Variants in PDE4D observed in about 807,000 individuals in gnomAD.
PDE4D encodes the protein phosphodiesterase 4D.
A neutral mutation model predicts 87.4 loss-of-function variants in PDE4D; 24 were observed. The observed-to-expected ratio is 0.27, with a 90% CI of 0.20 to 0.39. PDE4D has a LOEUF of 0.39. Among genes scored for constraint, PDE4D ranks in the 10% least tolerant of loss-of-function variants. The pLI is 1.00. For missense variants in PDE4D, 714 were observed against 1,041.0 expected, an observed-to-expected ratio of 0.69 and a Z score of 4.32; for synonymous variants, 384 against 383.2, an observed-to-expected ratio of 1.00 and a Z score of -0.02.
At chr5:59,988,714 A>T in exon 3 of PDE4D, 1 of 1,554,258 alleles carries the variant, frequency 6.4e-7, no homozygotes, top group Non-Finnish European at 8.8e-7. Context: ...GTTTCCTCAG[A>T]GGCCTGAGGT....
intron 1 of PDE4D, among the ~76,000 whole-genome samples, chr5:60,326,755 G>A (rs1756831786): frequency 6.6e-6 from 1 of 152,080 alleles, no homozygotes. Flanking sequence ...ACTATTAACA[G>A]ATATTATATT....
intron 1 of PDE4D, among the ~76,000 whole-genome samples, chr5:60,511,129 C>T (rs1205316271): frequency 6.6e-6 from 1 of 152,048 alleles, no homozygotes; most frequent in East Asian, 1.9e-4. Context: ...GCCACCATGC[C>T]GAGATAATTT....
At chr5:59,233,581 A>G (rs1345558226) in intron 1 of PDE4D, among the ~76,000 whole-genome samples, 3 of 152,156 alleles carry the variant, frequency 2.0e-5, no homozygotes, top group Admixed American at 6.6e-5. Context: ...TTCTGAACTC[A>G]TAGGCTAAAT....
intron 6 of PDE4D, among the ~76,000 whole-genome samples, chr5:59,002,635 C>T (rs773051893): frequency 2.6e-5 from 4 of 152,112 alleles, no homozygotes; most frequent in Non-Finnish European, 4.4e-5. Context: ...GCCAGCCACC[C>T]CAGCCCAGAG....
intron 1 of PDE4D, among the ~76,000 whole-genome samples, chr5:60,450,700 T>A (rs1026370942): frequency 6.6e-6 from 1 of 152,246 alleles, no homozygotes; most frequent in Admixed American, 6.5e-5. Context: ...CACAAGAGTA[T>A]GACATAAATA....
intron 1 of PDE4D, among the ~76,000 whole-genome samples, chr5:59,802,092 T>G (rs1045336078): frequency 6.6e-6 from 1 of 152,036 alleles, no homozygotes; most frequent in Admixed American, 6.5e-5. Context: ...GGAAAAAAAG[T>G]ACTTAAGAAA....
intron 5 of PDE4D, among the ~76,000 whole-genome samples, chr5:59,067,340 G>T (rs988429222): frequency 6.6e-6 from 1 of 152,036 alleles, no homozygotes; most frequent in Non-Finnish European, 1.5e-5. Flanking sequence ...ACAGCAGCTT[G>T]AATGGACTAA....
At chr5:60,354,687 G>T (rs1370047123) in intron 1 of PDE4D, among the ~76,000 whole-genome samples, 1 of 152,132 alleles carries the variant, frequency 6.6e-6, no homozygotes, top group Non-Finnish European at 1.5e-5. Context: ...ACCATTTTTA[G>T]TCTGGGATGT....
chr5:59,503,124 T>C (rs2153665170), intron 1 of PDE4D, among the ~76,000 whole-genome samples: 1 of 152,050 alleles, frequency 6.6e-6, no homozygotes, highest in South Asian at 2.1e-4. Context: ...TTATTCAGAG[T>C]AGCAAAAAAG....
chr5:60,515,595 C>CTTTTTTT (rs1750759847), intron 1 of PDE4D, among the ~76,000 whole-genome samples: 10 of 71,082 alleles, frequency 1.4e-4, no homozygotes, highest in African/African-American at 6.9e-4. Flanking sequence ...CTTTCCTTTT[C>CTTTTTTT]TTTTTCTTTT....
At chr5:60,110,175 C>A (rs1312106100) in intron 2 of PDE4D, among the ~76,000 whole-genome samples, 1 of 151,782 alleles carries the variant, frequency 6.6e-6, no homozygotes, top group Non-Finnish European at 1.5e-5. Context: ...TCAAATGGGA[C>A]TATATTAAAC....
chr5:59,410,835 T>G (rs1458147036), intron 1 of PDE4D, among the ~76,000 whole-genome samples: 1 of 152,272 alleles, frequency 6.6e-6, no homozygotes, highest in Admixed American at 6.5e-5. Context: ...TTTAGACAAT[T>G]TTTATAGAAA....
At chr5:60,425,147 C>G (rs201550087) in intron 1 of PDE4D, among the ~76,000 whole-genome samples, 4 of 152,052 alleles carry the variant, frequency 2.6e-5, no homozygotes, top group African/African-American at 9.7e-5. Flanking sequence ...CCCATCAAGC[C>G]ACCAATGACT....
At chr5:59,827,312 C>G (rs1052922623) in intron 1 of PDE4D, among the ~76,000 whole-genome samples, 3 of 151,978 alleles carry the variant, frequency 2.0e-5, no homozygotes, top group African/African-American at 7.2e-5. Flanking sequence ...ATGCACTCAA[C>G]TAAGTTTGTG....
chr5:59,215,702 T>G, intron 2 of PDE4D, 75 bp downstream of exon 2: 2 of 1,241,434 alleles, frequency 1.6e-6, no homozygotes, highest in Non-Finnish European at 1.2e-6. Context: ...ACAAAAGTCA[T>G]TAGTTTTATT....
intron 1 of PDE4D, among the ~76,000 whole-genome samples, chr5:59,674,304 C>A (rs972858063): frequency 6.6e-6 from 1 of 152,138 alleles, no homozygotes; most frequent in Non-Finnish European, 1.5e-5. Flanking sequence ...CAGTTTTACC[C>A]TGTGGAAAGT....
chr5:59,701,434 T>A (rs1752550454), intron 1 of PDE4D, among the ~76,000 whole-genome samples: 1 of 152,246 alleles, frequency 6.6e-6, no homozygotes, highest in African/African-American at 2.4e-5. Flanking sequence ...GTGTCTTCAG[T>A]ATACCTAGAA....
intron 5 of PDE4D, among the ~76,000 whole-genome samples, chr5:59,062,726 C>A (rs1763333655): frequency 7.4e-6 from 1 of 135,408 alleles, no homozygotes; most frequent in African/African-American, 2.7e-5. Flanking sequence ...TTTTGCACTA[C>A]CCATGAAGCT....
At chr5:59,892,485 T>C (rs1306130661) in intron 1 of PDE4D, among the ~76,000 whole-genome samples, 1 of 152,130 alleles carries the variant, frequency 6.6e-6, no homozygotes, top group Admixed American at 6.5e-5. Flanking sequence ...CACAGCGTCC[T>C]CGCTCCTTCT....
Sources: allele counts gnomAD v4.1 joint callset (sites outside exome capture counted in the v4.1 genomes callset), GRCh38; gene constraint gnomAD v4.1.1; transcripts MANE v1.5; gene names NCBI Gene and HGNC (gene_info 2026-07-23, HGNC 2026-07-21).